Variants in TMEM260 observed in about 807,000 individuals in gnomAD.
The protein encoded by TMEM260 is transmembrane protein 260, also known as protein O-mannosyl-transferase TMEM260.
Under a neutral mutation model 88.9 loss-of-function variants are expected in TMEM260, and 82 were observed. That is an observed-to-expected ratio of 0.92 (90% CI 0.77 to 1.11). The LOEUF (loss-of-function observed/expected upper bound fraction) is 1.11, where lower values mean the gene tolerates loss of function less well. Among genes scored for constraint, TMEM260 ranks in the 50% least tolerant of loss-of-function variants. The pLI is 0.00. For synonymous variants in TMEM260, 314 were observed against 309.3 expected (o/e 1.02, Z -0.16); for missense variants, 902 against 853.4 (o/e 1.06, Z -0.71).
chr14:56,600,172 G>T lies in TMEM260; in HGVS notation c.345-3643G>T, dbSNP rs140380607. ...GCTTATCACATATAGATTATTGTAC[G>T]AAAACATGAATACTGGGCCCTCCAA... On this transcript the variant is annotated intron_variant, in intron 3 of 15. Coordinates refer to ENST00000261556, the MANE Select transcript of TMEM260 (RefSeq NM_017799.4). Among the ~76,000 whole-genome samples the T allele has an allele frequency of 2.9e-3, 435 of 152,238 alleles. 4 individuals carry two copies. Among genetic ancestry groups the T allele is most frequent in the African/African-American group, 0.01 (417 of 41,556 alleles).
chr14:56,585,831 G>C lies in TMEM260; in HGVS notation c.263G>C (p.Gly88Ala), dbSNP rs1371093297. The C allele has an allele frequency of 6.2e-7, 1 of 1,612,998 alleles. No individual in the cohort carries two copies. The highest frequency in any genetic ancestry group is 2.2e-5 in the East Asian group (1 of 44,822). Residue 88 changes from glycine (G) to alanine (A), a missense_variant, in exon 3 of 16, where the codon GGT (glycine) becomes GCT (alanine). By Grantham distance (60) the Gly-to-Ala change is moderately conservative (BLOSUM62 0). Coordinates refer to ENST00000261556, the MANE Select transcript of TMEM260 (RefSeq NM_017799.4). ...AKLAITLFPF[G>A]SIAYRVNLLC... ...CTGGCAATTACACTGTTTCCTTTTG[G>C]TTCAATTGCCTACCGCGTCAATCTT...
intron 5 of TMEM260, among the ~76,000 whole-genome samples, chr14:56,605,975 C>T (rs3818776): frequency 0.11 from 16,493 of 152,142 alleles, 1,474 homozygotes; most frequent in African/African-American, 0.24. Flanking sequence ...TCTTAATTAT[C>T]GTTTTATACA....
chr14:56,634,765 C>A (rs1888898533), intron 13 of TMEM260, 134 bp from the exon 14 acceptor site: 1 of 707,680 alleles, frequency 1.4e-6, no homozygotes, highest in African/African-American at 1.8e-5. Context: ...TCACTTGAAC[C>A]CAGGAGGTGG....
At chr14:56,619,036 T>C (rs954153818) in intron 10 of TMEM260, among the ~76,000 whole-genome samples, 1 of 152,208 alleles carries the variant, frequency 6.6e-6, no homozygotes, top group Non-Finnish European at 1.5e-5. Context: ...AGAGATACTT[T>C]TAGAATCCCT....
At chr14:56,657,631 A>G in the TMEM260 span, among the ~76,000 whole-genome samples, 1 of 152,168 alleles carries the variant, frequency 6.6e-6, no homozygotes, top group African/African-American at 2.4e-5. Context: ...CACCACTACT[A>G]CATTCTACCC....
At chr14:56,627,658 T>C (rs8012885) in intron 12 of TMEM260, among the ~76,000 whole-genome samples, 57,013 of 151,786 alleles carry the variant, frequency 0.38, 11,769 homozygotes, top group East Asian at 0.6. Context: ...GAGATATTTT[T>C]CCCCCCCAAA....
At chr14:56,645,442 A>G (rs1438700279) in intron 15 of TMEM260, among the ~76,000 whole-genome samples, 14 of 150,822 alleles carry the variant, frequency 9.3e-5, no homozygotes, top group Admixed American at 2.0e-4. Flanking sequence ...GAATTGAACA[A>G]TGAGAACACA....
At position 56,579,803 on chromosome 14, in the gene TMEM260, G is replaced by T; in HGVS notation, c.-112G>T. 1.8e-6 allele frequency: 2 copies of T among 1,100,326 alleles called. No individual in the cohort carries two copies. The highest frequency in any genetic ancestry group is 3.2e-5 in the East Asian group (1 of 30,966). The allele number at this position is 1,100,326 out of a possible 1,614,324, so 68.2% of individuals were successfully genotyped here. A position where few individuals can be genotyped will look rare whatever the true frequency, so the allele number is the denominator to read the frequency against. ...GGTCCAACCCGCGGAGGCTCGACCC[G>T]GAAGCCGCCGTGGCCGCCGCACAAG... is the stretch of plus-strand genomic sequence containing the variant. On this transcript the variant is annotated 5_prime_UTR_variant, in exon 1 of 16. Coordinates refer to ENST00000261556, the MANE Select transcript of TMEM260 (RefSeq NM_017799.4).
chr14:56,637,334 G>T (rs550681178), intron 15 of TMEM260, among the ~76,000 whole-genome samples: 2 of 152,174 alleles, frequency 1.3e-5, no homozygotes, highest in South Asian at 2.1e-4. Flanking sequence ...GAGATTTCAC[G>T]AGAAGAGATG....
At chr14:56,583,985 G>A (rs1328843153) in intron 1 of TMEM260, among the ~76,000 whole-genome samples, 1 of 134,746 alleles carries the variant, frequency 7.4e-6, no homozygotes, top group African/African-American at 2.9e-5. Context: ...ATGCAATCCA[G>A]CCTTTTGTGT....
At chr14:56,579,768 A>G (rs1056886749), upstream of TMEM260, 19 of 690,554 alleles carry the variant, frequency 2.8e-5, no homozygotes, top group Non-Finnish European at 3.6e-5. Context: ...GCTCAGGCGG[A>G]GAAAGGTGCG....
At chr14:56,636,270 A>C (rs925685714) in intron 14 of TMEM260, among the ~76,000 whole-genome samples, 1 of 152,130 alleles carries the variant, frequency 6.6e-6, no homozygotes, top group African/African-American at 2.4e-5. Context: ...TAATAGTGAT[A>C]AGTGTAAGCT....
chr14:56,618,931 GT>G (rs1313571982), intron 10 of TMEM260, among the ~76,000 whole-genome samples, 168 bp downstream of exon 10: 1 of 152,160 alleles, frequency 6.6e-6, no homozygotes, highest in African/African-American at 2.4e-5. Flanking sequence ...AAACCTAAAA[GT>G]TAAAGCATGG....
chr14:56,659,513 G>A, the TMEM260 span, among the ~76,000 whole-genome samples: 1 of 152,204 alleles, frequency 6.6e-6, no homozygotes, highest in African/African-American at 2.4e-5. Flanking sequence ...AGCTGTCTAG[G>A]TGGACCTGGG....
Position 56,596,406 on chromosome 14 carries a change from G to GTGTGTGTGTATA in TMEM260, c.345-7408_345-7407insGTGTGTGTATAT, listed in dbSNP as rs1290307932. ...AGTGTGTGTGTGTGTGTGTGTGTGT[G>GTGTGTGTGTATA]TATATATATATATATATATACATAC... On this transcript the variant is annotated intron_variant, in intron 3 of 15. Coordinates refer to ENST00000261556, the MANE Select transcript of TMEM260 (RefSeq NM_017799.4). Among the ~76,000 whole-genome samples, 650 of 111,294 alleles carry GTGTGTGTGTATA rather than the reference G, an allele frequency of 5.8e-3. 10 individuals carry two copies. Among genetic ancestry groups the GTGTGTGTGTATA allele is most frequent in the East Asian group, 0.047 (197 of 4,230 alleles). The allele number at this position is 111,294 out of a possible 152,430, so 73.0% of individuals were successfully genotyped here.
chr14:56,646,464 T>A (rs1413598070), intron 15 of TMEM260, among the ~76,000 whole-genome samples: 2 of 152,116 alleles, frequency 1.3e-5, no homozygotes, highest in Non-Finnish European at 2.9e-5. Context: ...ACTATAATAT[T>A]CCATTTTGCA....
downstream of TMEM260, among the ~76,000 whole-genome samples, chr14:56,653,735 C>CCAAAAAAAAAAAAAA (rs1555343529): frequency 1.8e-4 from 2 of 11,010 alleles, no homozygotes; most frequent in African/African-American, 7.2e-4. Context: ...ACTCTTGTCT[C>CCAAAAAAAAAAAAAA]CAAAACAAAA....
chr14:56,648,511 C>T lies in TMEM260; in HGVS notation c.*1014C>T, dbSNP rs1221797763. 6.6e-6 allele frequency: 1 copy of T among 152,538 alleles called. No individual in the cohort carries two copies. Among genetic ancestry groups the T allele is most frequent in the Admixed American group, 6.5e-5 (1 of 15,276 alleles). 9.4% of individuals were successfully genotyped at this position (152,538 alleles called of 1,614,324 possible). ...TTGTATAGCTCCTAGACTCCAAGCACTATATAGGCCCCTGTATAGAAATGC... is the reference window on the plus strand; with the variant it reads ...TTGTATAGCTCCTAGACTCCAAGCATTATATAGGCCCCTGTATAGAAATGC... On this transcript the variant is annotated 3_prime_UTR_variant, in exon 16 of 16. Transcript: ENST00000261556.
intron 6 of TMEM260, among the ~76,000 whole-genome samples, chr14:56,612,041 T>TA (rs1941155057): frequency 6.6e-6 from 1 of 152,178 alleles, no homozygotes; most frequent in Non-Finnish European, 1.5e-5. Context: ...CTATGCTTAT[T>TA]ACCTGGGTGA....
Sources: gnomAD v4.1 joint callset for allele counts (sites outside exome capture counted in the v4.1 genomes callset) on GRCh38, gnomAD v4.1.1 for gene constraint, MANE v1.5 for transcripts, NCBI Gene and HGNC (gene_info 2026-07-23, HGNC 2026-07-21) for gene names.